ARL8B: variants seen among roughly 807,000 people sequenced by gnomAD.
The protein encoded by ARL8B is ADP-ribosylation factor-like protein 8B.
Under a neutral mutation model 30.6 loss-of-function variants are expected in ARL8B, and 9 were observed. The ratio of observed to expected loss-of-function variants is 0.29; its 90% CI spans 0.18 to 0.51. The LOEUF is 0.51. Ranked by LOEUF, ARL8B falls within the 20% of genes least tolerant of loss-of-function variation. The pLI is 0.97. For synonymous variants in ARL8B, 74 were observed against 76.0 expected (o/e 0.97, Z 0.14); for missense variants, 130 against 227.2 (o/e 0.57, Z 2.75).
intron 1 of ARL8B, among the ~76,000 whole-genome samples, chr3:5,157,543 C>G (rs979300224): frequency 1.3e-5 from 2 of 152,170 alleles, no homozygotes; most frequent in Non-Finnish European, 2.9e-5. Flanking sequence ...CTACTCCCTC[C>G]CCTCCCCAAA....
chr3:5,165,392 A>G (rs1326679624), intron 1 of ARL8B, among the ~76,000 whole-genome samples: 1 of 152,250 alleles, frequency 6.6e-6, no homozygotes, highest in Non-Finnish European at 1.5e-5. Context: ...TATAGGAATT[A>G]AAAGTTCTTA....
At chr3:5,125,431 G>A (rs1458462216) in intron 1 of ARL8B, among the ~76,000 whole-genome samples, 1 of 152,006 alleles carries the variant, frequency 6.6e-6, no homozygotes, top group Non-Finnish European at 1.5e-5. Flanking sequence ...ATCGCATCAT[G>A]TGTTCCCCCC....
At chr3:5,150,733 G>A (rs1391720777) in intron 1 of ARL8B, among the ~76,000 whole-genome samples, 3 of 152,038 alleles carry the variant, frequency 2.0e-5, no homozygotes, top group Admixed American at 6.5e-5. Context: ...CAGTGAGCCA[G>A]GATTGCTCCA....
chr3:5,125,911 A>G (rs115677062), intron 1 of ARL8B, among the ~76,000 whole-genome samples: 3,228 of 152,282 alleles, frequency 0.021, 136 homozygotes, highest in African/African-American at 0.073. Flanking sequence ...AGTCACAAAG[A>G]TAAGGTGATG....
At chr3:5,133,036 TAA>T (rs1559275909) in intron 1 of ARL8B, among the ~76,000 whole-genome samples, 1 of 152,104 alleles carries the variant, frequency 6.6e-6, no homozygotes, top group African/African-American at 2.4e-5. Flanking sequence ...TTGGGCAGCA[TAA>T]ATATAATGGG....
rs2054770381 is a variant in ARL8B, at chr3:5,180,640, G to T, written c.*1927G>T. On this transcript the variant is annotated 3_prime_UTR_variant, in exon 7 of 7. Coordinates refer to ENST00000256496, the MANE Select transcript of ARL8B (RefSeq NM_018184.3). ...CCTCTGCATGTGAAAACTTTTAACA[G>T]TTACTGAACTATGTAAATATGTGAA... 1 of 152,648 alleles carries T rather than the reference G, an allele frequency of 6.6e-6. No homozygotes were observed. Among genetic ancestry groups the T allele is most frequent in the East Asian group, 1.9e-4 (1 of 5,206 alleles). The allele number at this position is 152,648 out of a possible 1,614,324, so 9.5% of individuals were successfully genotyped here.
At chr3:5,175,406 C>T (rs931924540) in intron 6 of ARL8B, among the ~76,000 whole-genome samples, 9 of 152,038 alleles carry the variant, frequency 5.9e-5, no homozygotes, top group Admixed American at 1.3e-4. Context: ...GCTAGTATCC[C>T]GCTGTGCTTT....
chr3:5,157,907 C>G (rs563963766), intron 1 of ARL8B: 24 of 152,132 alleles, frequency 1.6e-4, no homozygotes, highest in African/African-American at 3.9e-4. Context: ...ATAGATTGTG[C>G]TTCAAGTTCT....
intron 1 of ARL8B, among the ~76,000 whole-genome samples, chr3:5,165,295 T>C (rs890209324): frequency 6.6e-6 from 1 of 152,142 alleles, no homozygotes; most frequent in Admixed American, 6.5e-5. Flanking sequence ...CTAATGTAAA[T>C]TGAAATAAAA....
chr3:5,146,888 C>CA (rs1266961888), intron 1 of ARL8B, among the ~76,000 whole-genome samples: 1 of 152,072 alleles, frequency 6.6e-6, no homozygotes, highest in East Asian at 1.9e-4. Context: ...CAGTATCAAC[C>CA]AAAAATGTCC....
chr3:5,155,873 TA>T (rs900855626), intron 1 of ARL8B, among the ~76,000 whole-genome samples: 5 of 147,680 alleles, frequency 3.4e-5, no homozygotes, highest in Admixed American at 2.7e-4. Flanking sequence ...GTTCTTTGAG[TA>T]CCTTTAAGAT....
chr3:5,178,631 T>A (rs770808968), intron 6 of ARL8B, 33 bp from the exon 7 acceptor site: 1 of 1,586,310 alleles, frequency 6.3e-7, no homozygotes, highest in South Asian at 1.1e-5. Flanking sequence ...GTTTTTTAAC[T>A]TTAATGTCTT....
intron 1 of ARL8B, among the ~76,000 whole-genome samples, chr3:5,141,977 C>A (rs547142346): frequency 1.3e-5 from 2 of 152,126 alleles, no homozygotes; most frequent in African/African-American, 4.8e-5. Flanking sequence ...TAAATTTATT[C>A]GGCACTCCCC....
chr3:5,148,224 G>A (rs768242850), intron 1 of ARL8B, among the ~76,000 whole-genome samples: 1 of 152,092 alleles, frequency 6.6e-6, no homozygotes, highest in Non-Finnish European at 1.5e-5. Flanking sequence ...CTCTAGGAGT[G>A]ATTTCATTTC....
intron 6 of ARL8B, among the ~76,000 whole-genome samples, chr3:5,174,734 A>ATGTATTATATAT (rs1184116281): frequency 1.4e-3 from 138 of 99,990 alleles, no homozygotes; most frequent in Non-Finnish European, 1.9e-3. Context: ...TATATGTAAT[A>ATGTATTATATAT]TATATGTAAT....
chr3:5,131,213 C>T (rs909870467), intron 1 of ARL8B, among the ~76,000 whole-genome samples: 1 of 151,562 alleles, frequency 6.6e-6, no homozygotes, highest in South Asian at 2.1e-4. Flanking sequence ...CCACCATTTT[C>T]TTGAAAGCTC....
intron 1 of ARL8B, among the ~76,000 whole-genome samples, chr3:5,123,969 G>A: frequency 6.6e-6 from 1 of 152,120 alleles, no homozygotes; most frequent in East Asian, 1.9e-4. Flanking sequence ...CACCTCCCAG[G>A]TTCAAGCGAT....
At chr3:5,151,190 G>C (rs572124492) in intron 1 of ARL8B, among the ~76,000 whole-genome samples, 1 of 151,782 alleles carries the variant, frequency 6.6e-6, no homozygotes, top group African/African-American at 2.4e-5. Flanking sequence ...TCTTACCATT[G>C]CCCTCTGCTT....
chr3:5,170,592 T>C lies in ARL8B; in HGVS notation c.204+9T>C. 1 of 1,598,566 alleles carries C rather than the reference T, an allele frequency of 6.3e-7. No homozygotes were observed. On this transcript the variant is annotated intron_variant, in intron 2 of 6. Transcript: ENST00000256496. ...GTAACGTCACAATAAAGGTAAGTTA[T>C]TTCTTGCCGTACGCAATTTAAATTG...
Sources: gnomAD v4.1 joint callset for allele counts (sites outside exome capture counted in the v4.1 genomes callset) on GRCh38, gnomAD v4.1.1 for gene constraint, MANE v1.5 for transcripts, NCBI Gene and HGNC (gene_info 2026-07-23, HGNC 2026-07-21) for gene names.